The following SGO2 variants were observed in gnomAD, a reference collection of about 807,000 sequenced individuals.
The protein encoded by SGO2 is shugoshin 2.
Under a neutral mutation model 99.5 loss-of-function variants are expected in SGO2, and 68 were observed. The ratio of observed to expected loss-of-function variants is 0.68; its 90% CI spans 0.56 to 0.84. The LOEUF is 0.84. Ranked by LOEUF, SGO2 falls within the 40% of genes least tolerant of loss-of-function variation. SGO2 has a pLI of 0.00. For synonymous variants in SGO2, 457 were observed against 487.1 expected (o/e 0.94, Z 0.81); for missense variants, 1,350 against 1,436.7 (o/e 0.94, Z 0.97).
intron 2 of SGO2, 193 bp downstream of exon 2, chr2:200,533,301 A>G (rs1350350946): frequency 2.0e-5 from 9 of 457,040 alleles, no homozygotes; most frequent in Non-Finnish European, 2.9e-5. Context: ...ATTTACCCTA[A>G]GTGTGACACA....
At chr2:200,528,587 A>G (rs1219083987) in intron 1 of SGO2, among the ~76,000 whole-genome samples, 1 of 152,142 alleles carries the variant, frequency 6.6e-6, no homozygotes, top group Non-Finnish European at 1.5e-5. Context: ...TGTGTTAGAA[A>G]TCCTAGTTGG....
chr2:200,563,547 T>C (rs2033061559), intron 5 of SGO2, among the ~76,000 whole-genome samples: 1 of 152,232 alleles, frequency 6.6e-6, no homozygotes, highest in East Asian at 1.9e-4. Flanking sequence ...TGCCAGGCTT[T>C]GGTATCAGGA....
At position 200,571,273 on chromosome 2, in the gene SGO2, T is replaced by A. The variant is rs755400957; in HGVS notation, c.927T>A (p.Asn309Lys). Residue 309 changes from asparagine (N) to lysine (K), a missense_variant, in exon 7 of 9, where the codon AAT becomes AAA. Physicochemically the swap from Asn to Lys is moderately conservative, Grantham distance 94 (BLOSUM62 0). Transcript: ENST00000357799. ...CAAGTCCAGAATTAAATTGCAATAA[T>A]GAGATAAATGGTCATACTAATGAAA... The part of the protein sequence containing the change: ...HISSPELNCN[N>K]EINGHTNETN... 1.1e-5 allele frequency: 17 copies of A among 1,613,192 alleles called. No individual in the cohort carries two copies. The Admixed American group carries it at 2.5e-4, about 24-fold the overall frequency.
At chr2:200,552,956 C>T (rs1287791358) in intron 5 of SGO2, among the ~76,000 whole-genome samples, 1 of 152,074 alleles carries the variant, frequency 6.6e-6, no homozygotes, top group Non-Finnish European at 1.5e-5. Context: ...CACCCCCCCG[C>T]CCCCTTTTAC....
At chr2:200,539,932 A>T in intron 4 of SGO2, among the ~76,000 whole-genome samples, 1 of 143,622 alleles carries the variant, frequency 7.0e-6, no homozygotes, top group African/African-American at 2.6e-5. Context: ...AGTTTGAGTA[A>T]TTTCTATTGT....
intron 8 of SGO2, among the ~76,000 whole-genome samples, chr2:200,577,464 C>T (rs536959263): frequency 1.1e-4 from 16 of 152,234 alleles, no homozygotes; most frequent in African/African-American, 3.9e-4. Flanking sequence ...CAAAGGTTTC[C>T]CCTATGGTCC....
intron 5 of SGO2, among the ~76,000 whole-genome samples, chr2:200,558,026 G>C (rs958608406): frequency 4.6e-4 from 70 of 152,076 alleles, no homozygotes; most frequent in African/African-American, 1.6e-3. Flanking sequence ...ATCACACCCA[G>C]CTAATTTTTG....
intron 5 of SGO2, among the ~76,000 whole-genome samples, chr2:200,560,240 A>G (rs1391802895): frequency 6.6e-6 from 1 of 152,070 alleles, no homozygotes; most frequent in Non-Finnish European, 1.5e-5. Context: ...TTTAGGACTG[A>G]TTTGTTTTTC....
chr2:200,543,772 A>G (rs2032076261), intron 5 of SGO2: 1 of 152,240 alleles, frequency 6.6e-6, no homozygotes, highest in Admixed American at 6.5e-5. Context: ...TTTCAAAAGT[A>G]TGTTGTCATT....
chr2:200,579,862 G>A (rs919689836), intron 8 of SGO2, among the ~76,000 whole-genome samples: 1 of 152,014 alleles, frequency 6.6e-6, no homozygotes. Flanking sequence ...ATCATATTAA[G>A]GGAATCAAGA....
chr2:200,561,860 T>C (rs2032984910), intron 5 of SGO2, among the ~76,000 whole-genome samples: 1 of 152,236 alleles, frequency 6.6e-6, no homozygotes, highest in South Asian at 2.1e-4. Flanking sequence ...ATGTCTTCTT[T>C]TGAGAAGTGT....
At chr2:200,528,151 A>T (rs1003822186) in intron 1 of SGO2, among the ~76,000 whole-genome samples, 1 of 152,254 alleles carries the variant, frequency 6.6e-6, no homozygotes, top group African/African-American at 2.4e-5. Flanking sequence ...CAAATTGTAT[A>T]GTACTTTCTA....
chr2:200,560,141 C>T (rs1235620581), intron 5 of SGO2, among the ~76,000 whole-genome samples: 4 of 152,040 alleles, frequency 2.6e-5, no homozygotes, highest in African/African-American at 9.7e-5. Flanking sequence ...TAAAGTCTAC[C>T]ATTATGATTA....
In SGO2 at chr2:200,535,171, G is replaced by T; in HGVS notation, c.309G>T (p.Leu103Phe). The T allele has an allele frequency of 1.3e-6, 2 of 1,508,178 alleles. No individual in the cohort carries two copies. Among genetic ancestry groups the T allele is most frequent in the Non-Finnish European group, 1.8e-6 (2 of 1,138,516 alleles). 93.4% of individuals were successfully genotyped at this position (1,508,178 alleles called of 1,614,324 possible). ...NTFLRLKLNN[L>F]NKKLIDIEAL... ...TTCTTCGCCTAAAGCTAAATAACTT[G>T]GTATGTAAGCTATATTGTTTTTGAA... The change falls in exon 3 of 9, where the codon TTG becomes TTT. Residue 103 changes from leucine to phenylalanine, a missense_variant and splice_region_variant. Transcript: ENST00000357799.
chr2:200,544,318 G>A (rs764645972), intron 5 of SGO2, among the ~76,000 whole-genome samples: 2 of 152,136 alleles, frequency 1.3e-5, no homozygotes, highest in Non-Finnish European at 2.9e-5. Flanking sequence ...GTCTTGCTCT[G>A]TCACCCAAGC....
chr2:200,559,523 T>G (rs2032856063), intron 5 of SGO2, among the ~76,000 whole-genome samples: 2 of 152,178 alleles, frequency 1.3e-5, no homozygotes, highest in Admixed American at 1.3e-4. Context: ...ATTATCAATT[T>G]TCAGCCTCTC....
In SGO2 at chr2:200,573,290, G is replaced by C. The variant is rs749543592; in HGVS notation, c.2944G>C (p.Val982Leu). Reference protein sequence around the residue: ...SCDQILDSYKVVKKRKKESSC... With the variant: ...SCDQILDSYKLVKKRKKESSC... ...TGATCAAATTTTAGATTCCTACAAA[G>C]TAGTTAAAAAACGTAAGAAAGAATC... The change falls in exon 7 of 9, where the codon GTA becomes CTA. Residue 982 changes from valine (V) to leucine (L), a missense_variant. Coordinates refer to ENST00000357799, the MANE Select transcript of SGO2 (RefSeq NM_152524.6). 21 of 1,606,732 alleles carry C rather than the reference G, an allele frequency of 1.3e-5. No homozygotes were observed. In the South Asian group the frequency reaches 2.4e-4, roughly 18 times the overall value.
intron 8 of SGO2, among the ~76,000 whole-genome samples, chr2:200,576,903 CCATTGTGTAGATGTACCA>C (rs2033685007): frequency 6.6e-6 from 1 of 152,128 alleles, no homozygotes; most frequent in South Asian, 2.1e-4. Flanking sequence ...GGATAATATT[CCATTGTGTAGATGTACCA>C]CATTTTGTTC....
chr2:200,584,011 T>C lies in SGO2; in HGVS notation c.*547T>C, dbSNP rs1404166077. 1.3e-5 allele frequency among the ~76,000 whole-genome samples: 2 copies of C among 152,228 alleles called. No homozygotes were observed. The highest frequency in any genetic ancestry group is 2.9e-5 in the Non-Finnish European group (2 of 68,038). On this transcript the variant is annotated 3_prime_UTR_variant, in exon 9 of 9. Coordinates refer to ENST00000357799, the MANE Select transcript of SGO2 (RefSeq NM_152524.6). ...AGAGGAGGAGATTAACCTTTCAGGC[T>C]CTTTTGAATTTGGTTTTTATAATTT...
Sources: allele counts gnomAD v4.1 joint callset (sites outside exome capture counted in the v4.1 genomes callset), GRCh38; gene constraint gnomAD v4.1.1; transcripts MANE v1.5; gene names NCBI Gene and HGNC (gene_info 2026-07-23, HGNC 2026-07-21).